The following GPATCH2 variants were observed in gnomAD, a reference collection of about 807,000 sequenced individuals.
The protein encoded by GPATCH2 is G-patch domain containing 2, also known as G patch domain-containing protein 2.
GPATCH2 carries 51 observed loss-of-function variants against 58.0 expected under a neutral mutation model. The observed-to-expected ratio is 0.88, with a 90% CI of 0.70 to 1.11. The LOEUF (loss-of-function observed/expected upper bound fraction) is 1.11. Among genes scored for constraint, GPATCH2 ranks in the 50% most tolerant of loss-of-function variants. The pLI, the probability that GPATCH2 is intolerant of heterozygous loss-of-function variation, is 0.00. For synonymous variants in GPATCH2, 222 were observed against 218.5 expected (o/e 1.02, Z -0.14); for missense variants, 625 against 652.2 (o/e 0.96, Z 0.45).
chr1:217,534,113 G>C (rs1257210474), intron 5 of GPATCH2, among the ~76,000 whole-genome samples: 2 of 152,114 alleles, frequency 1.3e-5, no homozygotes, highest in Non-Finnish European at 2.9e-5. Flanking sequence ...CTACTCAGGA[G>C]GCTGAGGCAG....
chr1:217,444,640 G>T (rs1659301179), intron 9 of GPATCH2, among the ~76,000 whole-genome samples: 1 of 152,172 alleles, frequency 6.6e-6, no homozygotes, highest in African/African-American at 2.4e-5. Context: ...GAGTGGGCTG[G>T]TGGTGTATGT....
At chr1:217,593,146 ACTT>A (rs1168754453) in intron 5 of GPATCH2, among the ~76,000 whole-genome samples, 1 of 152,020 alleles carries the variant, frequency 6.6e-6, no homozygotes, top group Non-Finnish European at 1.5e-5. Context: ...ATAGATTTTA[ACTT>A]CTTAACTAGA....
At chr1:217,553,050 CATT>C (rs1220125968) in intron 5 of GPATCH2, among the ~76,000 whole-genome samples, 1 of 151,880 alleles carries the variant, frequency 6.6e-6, no homozygotes, top group East Asian at 1.9e-4. Context: ...CTCAGAGTTT[CATT>C]ATTATTAACA....
chr1:217,564,255 T>C (rs1377635407), intron 5 of GPATCH2, among the ~76,000 whole-genome samples: 1 of 152,146 alleles, frequency 6.6e-6, no homozygotes, highest in East Asian at 1.9e-4. Context: ...GATAGCCATA[T>C]ATAATCAGTT....
chr1:217,532,016 G>T (rs1027865570), intron 5 of GPATCH2, among the ~76,000 whole-genome samples: 6 of 152,098 alleles, frequency 3.9e-5, no homozygotes, highest in Non-Finnish European at 1.5e-5. Flanking sequence ...GAAAAAATAG[G>T]ATACTGTCTA....
rs1003851789 is a variant in GPATCH2 at position 217,538,079 on chromosome 1, T to C, written c.1099-23190A>G. On this transcript the variant is annotated intron_variant, in intron 5 of 9. Coordinates refer to ENST00000366935, the MANE Select transcript of GPATCH2 (RefSeq NM_018040.5). ...ACAAATTGATTCTAACTTAGATAGA[T>C]TCCTGTAGGTATCAACTAAAAAATC... is the stretch of plus-strand genomic sequence containing the variant. Among the ~76,000 whole-genome samples the C allele has an allele frequency of 2.3e-4, 35 of 152,210 alleles. 1 individual carries two copies. The highest frequency in any genetic ancestry group is 2.4e-5 in the African/African-American group (1 of 41,460).
intron 2 of GPATCH2, among the ~76,000 whole-genome samples, chr1:217,618,747 G>A (rs1439624274): frequency 6.6e-6 from 1 of 152,016 alleles, no homozygotes; most frequent in Non-Finnish European, 1.5e-5. Flanking sequence ...ATCACTTGAG[G>A]TCAGGGGTTG....
intron 5 of GPATCH2, among the ~76,000 whole-genome samples, chr1:217,606,200 T>C (rs1388750223): frequency 1.3e-5 from 2 of 151,206 alleles, no homozygotes; most frequent in African/African-American, 4.8e-5. Flanking sequence ...CTCCATCATT[T>C]AAGCTATTCA....
intron 5 of GPATCH2, among the ~76,000 whole-genome samples, chr1:217,582,392 C>T (rs1667119954): frequency 6.6e-6 from 1 of 152,028 alleles, no homozygotes; most frequent in Non-Finnish European, 1.5e-5. Flanking sequence ...GTCATCATAA[C>T]AGCATGTCAC....
intron 5 of GPATCH2, among the ~76,000 whole-genome samples, chr1:217,539,973 G>C (rs940950476): frequency 6.6e-6 from 1 of 152,076 alleles, no homozygotes; most frequent in Non-Finnish European, 1.5e-5. Context: ...ACTTAGTTTT[G>C]AGTTAATAGG....
chr1:217,491,686 G>A lies in GPATCH2; in HGVS notation c.1271C>T (p.Ala424Val). The change falls in exon 8 of 10, where the codon GCC becomes GTC. Residue 424 changes from alanine (A) to valine (V), a missense_variant. By Grantham distance (64) the Ala-to-Val change is moderately conservative. Coordinates refer to ENST00000366935, the MANE Select transcript of GPATCH2 (RefSeq NM_018040.5). ...GHKKNCSVRT[A>V]SRQTSMHLGS... is the part of the protein sequence containing the mutation. ...GCGATTTTGAATTGCTTACCTGCTG[G>A]CTGTTCTCACAGAACAATTTTTCTT... 2 of 1,455,642 alleles carry A rather than the reference G, an allele frequency of 1.4e-6. No individual in the cohort carries two copies. Among genetic ancestry groups the A allele is most frequent in the Non-Finnish European group, 1.9e-6 (2 of 1,047,244 alleles). The allele number at this position is 1,455,642 out of a possible 1,614,324, so 90.2% of individuals were successfully genotyped here.
chr1:217,561,466 C>T (rs1571920995), intron 5 of GPATCH2, among the ~76,000 whole-genome samples: 1 of 152,134 alleles, frequency 6.6e-6, no homozygotes, highest in Non-Finnish European at 1.5e-5. Context: ...CGTTTGTCAT[C>T]GAGGTGTGTG....
intron 8 of GPATCH2, among the ~76,000 whole-genome samples, chr1:217,460,128 T>C (rs1660137926): frequency 6.6e-6 from 1 of 152,212 alleles, no homozygotes; most frequent in Admixed American, 6.5e-5. Flanking sequence ...ATTATGCCAG[T>C]AATTTTTACA....
intron 8 of GPATCH2, among the ~76,000 whole-genome samples, chr1:217,456,259 C>T (rs1310178662): frequency 2.6e-5 from 4 of 152,182 alleles, no homozygotes; most frequent in African/African-American, 7.2e-5. Flanking sequence ...CAAGTACCCA[C>T]CCCTAGATGC....
intron 5 of GPATCH2, among the ~76,000 whole-genome samples, chr1:217,549,261 C>A (rs1665228991): frequency 6.6e-6 from 1 of 151,988 alleles, no homozygotes; most frequent in Admixed American, 6.6e-5. Context: ...CCATAGAATT[C>A]ATAACTTAGA....
In GPATCH2 at chr1:217,596,220, C is replaced by T. The variant is rs866010891; in HGVS notation, c.1098+14101G>A. ...AAACCAAACTCAGAATAATGACTTG[C>T]CCAGTATATTCATTAAATTGACCAA... On this transcript the variant is annotated intron_variant, in intron 5 of 9. Coordinates refer to ENST00000366935, the MANE Select transcript of GPATCH2 (RefSeq NM_018040.5). Among the ~76,000 whole-genome samples, 32 of 152,140 alleles carry T rather than the reference C, an allele frequency of 2.1e-4. 1 individual carries two copies. The highest frequency in any genetic ancestry group is 6.8e-3 in the Middle Eastern group (2 of 292).
chr1:217,630,688 T>C (rs1163869108), intron 1 of GPATCH2, among the ~76,000 whole-genome samples: 1 of 152,188 alleles, frequency 6.6e-6, no homozygotes, highest in African/African-American at 2.4e-5. Context: ...TAAAATATTG[T>C]TAAACAAGCA....
At chr1:217,554,689 A>G (rs1665534851) in intron 5 of GPATCH2, among the ~76,000 whole-genome samples, 1 of 152,200 alleles carries the variant, frequency 6.6e-6, no homozygotes, top group African/African-American at 2.4e-5. Flanking sequence ...AAGTAGGTGG[A>G]ATGTAAATCC....
chr1:217,621,727 T>G (rs1438754813), intron 1 of GPATCH2, among the ~76,000 whole-genome samples: 1 of 152,234 alleles, frequency 6.6e-6, no homozygotes, highest in Non-Finnish European at 1.5e-5. Flanking sequence ...AATTTCAGGC[T>G]TTTGCAAGTT....
Sources: allele counts gnomAD v4.1 joint callset (sites outside exome capture counted in the v4.1 genomes callset), GRCh38; gene constraint gnomAD v4.1.1; transcripts MANE v1.5; gene names NCBI Gene and HGNC (gene_info 2026-07-23, HGNC 2026-07-21).